Variants in S100PBP observed in about 807,000 individuals in gnomAD.
S100PBP encodes S100P binding protein.
S100PBP carries 15 observed loss-of-function variants against 39.9 expected under a neutral mutation model. The ratio of observed to expected loss-of-function variants is 0.38; its 90% CI spans 0.25 to 0.58. The LOEUF is 0.58. Ranked by LOEUF, S100PBP falls within the 20% of genes least tolerant of loss-of-function variation. S100PBP has a pLI of 0.70. For missense variants in S100PBP, 504 were observed against 487.3 expected (o/e 1.03, Z -0.32); for synonymous variants, 178 against 180.3 (o/e 0.99, Z 0.10).
chr1:32,848,575 A>G (rs530550116), intron 5 of S100PBP, among the ~76,000 whole-genome samples: 6 of 152,268 alleles, frequency 3.9e-5, no homozygotes, highest in African/African-American at 1.4e-4. Context: ...GCCAGCTGAG[A>G]GAGTCTCTGT....
intron 5 of S100PBP, among the ~76,000 whole-genome samples, chr1:32,849,266 C>T (rs758635072): frequency 2.6e-5 from 4 of 152,064 alleles, no homozygotes; most frequent in Non-Finnish European, 4.4e-5. Context: ...CACCTCAGCC[C>T]CCTGGAGTCG....
intron 5 of S100PBP, among the ~76,000 whole-genome samples, chr1:32,846,348 T>A (rs1244603409): frequency 1.3e-5 from 2 of 150,582 alleles, no homozygotes; most frequent in Non-Finnish European, 1.5e-5. Flanking sequence ...AATTGGTAGC[T>A]GGGTCTTGCT....
At chr1:32,836,575 T>C (rs1278424526) in intron 5 of S100PBP, 1 of 983,282 alleles carries the variant, frequency 1.0e-6, no homozygotes, top group Non-Finnish European at 1.2e-6. Flanking sequence ...TTTCTTGAAT[T>C]GTTTATTTTT....
chr1:32,833,694 TTCTC>T (rs1397384073), intron 5 of S100PBP, among the ~76,000 whole-genome samples: 3 of 152,120 alleles, frequency 2.0e-5, no homozygotes, highest in Non-Finnish European at 4.4e-5. Context: ...GAAATAATGA[TTCTC>T]TCTCCTACAA....
chr1:32,837,774 T>C (rs1179387884), intron 5 of S100PBP, among the ~76,000 whole-genome samples: 1 of 151,934 alleles, frequency 6.6e-6, no homozygotes, highest in African/African-American at 2.4e-5. Context: ...TCTGGCTTCT[T>C]TGTCTCAAGA....
intron 5 of S100PBP, among the ~76,000 whole-genome samples, chr1:32,838,851 A>AG: frequency 6.6e-6 from 1 of 152,280 alleles, no homozygotes; most frequent in East Asian, 1.9e-4. Context: ...CTCAAAAAAA[A>AG]AAAAAAAGTT....
chr1:32,845,378 G>A (rs1328709669), intron 5 of S100PBP, among the ~76,000 whole-genome samples: 1 of 152,046 alleles, frequency 6.6e-6, no homozygotes, highest in Non-Finnish European at 1.5e-5. Context: ...AGGAGGCTGA[G>A]TGAACCAATG....
intron 5 of S100PBP, among the ~76,000 whole-genome samples, chr1:32,841,855 AGG>A (rs906672073): frequency 6.6e-6 from 1 of 151,334 alleles, no homozygotes; most frequent in Non-Finnish European, 1.5e-5. Flanking sequence ...TTATAGCTTT[AGG>A]GATTACATTT....
intron 6 of S100PBP, among the ~76,000 whole-genome samples, chr1:32,853,934 G>T (rs1288592335): frequency 1.3e-5 from 2 of 151,930 alleles, no homozygotes; most frequent in African/African-American, 4.8e-5. Flanking sequence ...TGAAATTCAG[G>T]AAACCTGAGT....
At chr1:32,820,293 T>C (rs562215580) in intron 1 of S100PBP, among the ~76,000 whole-genome samples, 28 of 152,126 alleles carry the variant, frequency 1.8e-4, no homozygotes, top group Non-Finnish European at 3.8e-4. Context: ...ATTACAGGCA[T>C]GCACCACACA....
intron 5 of S100PBP, among the ~76,000 whole-genome samples, chr1:32,843,348 CAAG>C (rs1640208268): frequency 6.9e-6 from 1 of 144,428 alleles, no homozygotes; most frequent in Non-Finnish European, 1.5e-5. Context: ...GTTGTTGAGA[CAAG>C]AATCTCGCTC....
At chr1:32,851,023 C>T (rs148320820) in intron 5 of S100PBP, among the ~76,000 whole-genome samples, 1 of 152,270 alleles carries the variant, frequency 6.6e-6, no homozygotes, top group Non-Finnish European at 1.5e-5. Context: ...ATTCCTAAAA[C>T]TCAGCTTCAA....
chr1:32,819,882 A>G (rs1309560635), intron 1 of S100PBP, among the ~76,000 whole-genome samples: 1 of 152,086 alleles, frequency 6.6e-6, no homozygotes, highest in Non-Finnish European at 1.5e-5. Flanking sequence ...CCCTTTTTAG[A>G]TGCATGTTCT....
rs777286901 is a variant in S100PBP at position 32,826,501 on chromosome 1, C to T, written c.402C>T (p.Asn134=). The change falls in exon 3 of 7, where the codon AAC becomes AAT. Residue 134 remains asparagine, a synonymous_variant. Transcript: ENST00000373475. ...GACCAGCTCATACTAAACCATTAAA[C>T]AGACGCTCTGTACTAGAAAAGAATC... ...GHGPAHTKPL[N]RRSVLEKNLI... 6.2e-7 allele frequency: 1 copy of T among 1,613,974 alleles called. No homozygotes were observed. The highest frequency in any genetic ancestry group is 1.3e-5 in the African/African-American group (1 of 74,920).
upstream of S100PBP, chr1:32,817,603 G>T (rs1460241268): frequency 7.7e-6 from 3 of 391,326 alleles, no homozygotes; most frequent in Admixed American, 3.8e-5. Context: ...ACTCGGGGTA[G>T]GGGAGGTCGG....
chr1:32,842,174 CTG>C, intron 5 of S100PBP, among the ~76,000 whole-genome samples: 1 of 91,798 alleles, frequency 1.1e-5, no homozygotes, highest in Non-Finnish European at 2.0e-5. Flanking sequence ...GAGTGTAAGA[CTG>C]TCTCAAAAAA....
At chr1:32,838,081 C>A (rs1639912914) in intron 5 of S100PBP, among the ~76,000 whole-genome samples, 1 of 152,074 alleles carries the variant, frequency 6.6e-6, no homozygotes, top group Non-Finnish European at 1.5e-5. Context: ...GTGGCTCACG[C>A]CTGTAATCCC....
chr1:32,817,357 C>T, upstream of S100PBP: 1 of 1,382,706 alleles, frequency 7.2e-7, no homozygotes, highest in Non-Finnish European at 1.0e-6. Flanking sequence ...GTTGCATCAG[C>T]TGGGCTCGGC....
At chr1:32,850,710 T>G (rs1399915864) in intron 5 of S100PBP, among the ~76,000 whole-genome samples, 2 of 152,248 alleles carry the variant, frequency 1.3e-5, no homozygotes, top group Admixed American at 1.3e-4. Context: ...GTTTCAAATA[T>G]ATTTTTCATT....
Sources: allele counts gnomAD v4.1 joint callset (sites outside exome capture counted in the v4.1 genomes callset), GRCh38; gene constraint gnomAD v4.1.1; transcripts MANE v1.5; gene names NCBI Gene and HGNC (gene_info 2026-07-23, HGNC 2026-07-21).